Variants in CYFIP1 observed in about 807,000 individuals in gnomAD.
The protein encoded by CYFIP1 is cytoplasmic FMR1 interacting protein 1.
A neutral mutation model predicts 163.5 loss-of-function variants in CYFIP1; 58 were observed. That is an observed-to-expected ratio of 0.35 (90% CI 0.29 to 0.44). The LOEUF (loss-of-function observed/expected upper bound fraction) is 0.44. CYFIP1 is among the 20% of genes least tolerant of loss of function. The pLI is 1.00. For missense variants in CYFIP1, 1,338 were observed against 1,653.8 expected (o/e 0.81, Z 3.31); for synonymous variants, 663 against 660.7 (o/e 1.00, Z -0.05).
chr15:22,947,921 A>G, intron 1 of CYFIP1: 1 of 985,068 alleles, frequency 1.0e-6, no homozygotes, highest in Non-Finnish European at 1.2e-6. Flanking sequence ...CTTCAGAGCC[A>G]GCTCCAGGGA....
rs146068501 is a variant in CYFIP1, at chr15:22,962,632, G to A, written c.-6-15341C>T. ...TTGGTCAAGCTGGTCTCGAACTCCC[G>A]ACCTCAGGTGATCCACCAGCCTCGG... On this transcript the variant is annotated intron_variant, in intron 1 of 30. Transcript: ENST00000617928. 9.3e-4 allele frequency among the ~76,000 whole-genome samples: 141 copies of A among 151,444 alleles called. 1 individual carries two copies. Among genetic ancestry groups the A allele is most frequent in the East Asian group, 2.7e-3 (14 of 5,154 alleles).
rs397976366 is a variant in CYFIP1 at position 22,978,352 on chromosome 15, C to CAAAAAAAAAA, written c.-7+1925_-7+1934dup. On this transcript the variant is annotated intron_variant, in intron 1 of 30. Transcript: ENST00000617928. The stretch of plus-strand genomic sequence containing the variant: ...GGGCCACAGAGTTAAGACTCTGTCA[C>CAAAAAAAAAA]AAAAAAAAAAAAAAAAAAAAAAAAA... Among the ~76,000 whole-genome samples the CAAAAAAAAAA allele has an allele frequency of 8.7e-4, 46 of 52,768 alleles. 4 individuals are homozygous for CAAAAAAAAAA. The highest frequency in any genetic ancestry group is 2.4e-3 in the African/African-American group (37 of 15,194). The allele number at this position is 52,768 out of a possible 152,430, so 34.6% of individuals were successfully genotyped here. A position where few individuals can be genotyped will look rare whatever the true frequency, so the allele number is the denominator to read the frequency against.
chr15:22,952,619 C>T (rs1264395184), intron 1 of CYFIP1, among the ~76,000 whole-genome samples: 3 of 131,570 alleles, frequency 2.3e-5, no homozygotes, highest in Non-Finnish European at 4.6e-5. Flanking sequence ...CGCACCACTG[C>T]ACTCCAACCC....
chr15:22,918,304 G>A (rs56720890), intron 14 of CYFIP1, among the ~76,000 whole-genome samples: 1 of 152,100 alleles, frequency 6.6e-6, no homozygotes, highest in Admixed American at 6.5e-5. Context: ...GTAACCAACA[G>A]GAATGTGAAG....
At chr15:22,944,163 T>C (rs146853222) in intron 5 of CYFIP1, among the ~76,000 whole-genome samples, 1,906 of 142,064 alleles carry the variant, frequency 0.013, 46 homozygotes, top group African/African-American at 0.048. Flanking sequence ...CGCTTGAACC[T>C]GGGAGGCAGA....
intron 8 of CYFIP1, among the ~76,000 whole-genome samples, chr15:22,937,599 TTTTTG>T (rs2061753714): frequency 6.6e-6 from 1 of 150,430 alleles, no homozygotes; most frequent in Non-Finnish European, 1.5e-5. Flanking sequence ...AAAAATTCTT[TTTTTG>T]TTTTTTTTTT....
intron 9 of CYFIP1, among the ~76,000 whole-genome samples, chr15:22,935,731 A>G (rs2096723380): frequency 6.6e-6 from 1 of 152,178 alleles, no homozygotes; most frequent in African/African-American, 2.4e-5. Flanking sequence ...ATGGTTAATA[A>G]CAATGCATTG....
In CYFIP1 at chr15:22,880,692, G is replaced by C. The variant is rs990801189; in HGVS notation, c.2912-649C>G. Among the ~76,000 whole-genome samples, 20 of 152,318 alleles carry C rather than the reference G, an allele frequency of 1.3e-4. No homozygotes were observed. In the East Asian group the frequency reaches 3.9e-3, roughly 29 times the overall value. ...TCAGGAGGGGCCTAAACTACCCTGG[G>C]AAGAGCAAAGCGGGAGGCTCAGCAG... is the stretch of plus-strand genomic sequence containing the variant. On this transcript the variant is annotated intron_variant, in intron 25 of 30. Transcript: ENST00000617928.
In CYFIP1 at chr15:22,917,283, A is replaced by G; in HGVS notation, c.1674+505T>C. 7.3e-7 allele frequency: 1 copy of G among 1,374,300 alleles called. No homozygotes were observed. Among genetic ancestry groups the G allele is most frequent in the Non-Finnish European group, 9.3e-7 (1 of 1,069,950 alleles). 85.1% of individuals were successfully genotyped at this position (1,374,300 alleles called of 1,614,324 possible). ...AGGGAGAAGACCAGCCCCAGGACGGAGGACAGACGCAGCGGTGTGGATTAA... is the reference window on the plus strand; with the variant it reads ...AGGGAGAAGACCAGCCCCAGGACGGGGGACAGACGCAGCGGTGTGGATTAA... On this transcript the variant is annotated intron_variant, in intron 15 of 30. Coordinates refer to ENST00000617928, the MANE Select transcript of CYFIP1 (RefSeq NM_014608.6). This position sits in a 1 kb window ranked among gnomAD's most constrained non-coding sequence, Gnocchi z 4.2.
intron 17 of CYFIP1, among the ~76,000 whole-genome samples, chr15:22,912,944 C>T (rs916909929): frequency 1.6e-4 from 24 of 148,018 alleles, no homozygotes; most frequent in African/African-American, 4.9e-4. Context: ...AGAATGAACT[C>T]CAGCACTTTA....
chr15:22,912,164 C>T lies in CYFIP1; in HGVS notation c.2082+15G>A, dbSNP rs933123580. ...TTGAAGGAAATGAACAGAAATGGAG[C>T]TGCAGGGGCCTCACCTCGGCCTCAA... is the stretch of plus-strand genomic sequence containing the variant. On this transcript the variant is annotated intron_variant, in intron 18 of 30. Transcript: ENST00000617928. The T allele has an allele frequency of 1.2e-6, 2 of 1,600,662 alleles. No homozygotes were observed. Among genetic ancestry groups the T allele is most frequent in the Non-Finnish European group, 1.7e-6 (2 of 1,170,174 alleles).
chr15:22,904,298 G>A (rs1353138575), intron 21 of CYFIP1: 1 of 278,262 alleles, frequency 3.6e-6, no homozygotes, highest in Non-Finnish European at 7.0e-6. Context: ...TTTCTCTGAG[G>A]TGCCTGAAGT....
intron 11 of CYFIP1, among the ~76,000 whole-genome samples, chr15:22,931,460 G>C (rs1241008309): frequency 6.6e-6 from 1 of 151,990 alleles, no homozygotes; most frequent in African/African-American, 2.4e-5. Context: ...GACGTCTTCT[G>C]ACAGCCACCC....
intron 11 of CYFIP1, 96 bp downstream of exon 11, chr15:22,932,127 T>C (rs2061558084): frequency 1.2e-6 from 1 of 804,130 alleles, no homozygotes; most frequent in Non-Finnish European, 2.0e-6. Flanking sequence ...TATCTGGTAG[T>C]AAACTGTTTT....
intron 26 of CYFIP1, among the ~76,000 whole-genome samples, chr15:22,878,674 T>TA (rs199504341): frequency 0.13 from 15,336 of 121,532 alleles, 1,157 homozygotes; most frequent in East Asian, 0.28. Context: ...GATGGTAGAT[T>TA]AAAAAAAAAA....
Position 22,867,377 on chromosome 15 carries a change from C to CT in CYFIP1, c.*2650dup. ...ACTAAGTTACTGAATGAAGGAACCT[C>CT]TTTCTTACAAAACAAAAAAAAGGGC... is the stretch of plus-strand genomic sequence containing the variant. On this transcript the variant is annotated 3_prime_UTR_variant, in exon 31 of 31. Transcript: ENST00000617928. The CT allele has an allele frequency of 5.1e-6, 2 of 391,260 alleles. No homozygotes were observed. Among genetic ancestry groups the CT allele is most frequent in the Non-Finnish European group, 9.0e-6 (2 of 222,168 alleles). 24.2% of individuals were successfully genotyped at this position (391,260 alleles called of 1,614,324 possible).
chr15:22,902,943 G>A (rs2060444881), intron 22 of CYFIP1, among the ~76,000 whole-genome samples: 1 of 152,188 alleles, frequency 6.6e-6, no homozygotes, highest in Non-Finnish European at 1.5e-5. Flanking sequence ...ACAAAACTCT[G>A]GGCCTACAAG....
rs759752097 is a variant in CYFIP1, at chr15:22,927,963, G to A, written c.1176C>T (p.Asp392=). The A allele has an allele frequency of 6.2e-7, 1 of 1,605,652 alleles. No individual in the cohort carries two copies. Among genetic ancestry groups the A allele is most frequent in the South Asian group, 1.1e-5 (1 of 89,946 alleles). The change falls in exon 12 of 31, where the codon GAC becomes GAT. Residue 392 remains aspartate, a synonymous_variant. Coordinates refer to ENST00000617928, the MANE Select transcript of CYFIP1 (RefSeq NM_014608.6). The part of the protein sequence containing the change: ...KTDAEYRKLF[D]LALQGLQLLS... ...ACAGCTGCAGGCCCTGCAGCGCCAG[G>A]TCGAAGAGCTTGCGGTACTCCGCGT...
At chr15:22,948,956 T>C (rs1029084070) in intron 1 of CYFIP1, among the ~76,000 whole-genome samples, 7 of 151,798 alleles carry the variant, frequency 4.6e-5, no homozygotes, top group African/African-American at 1.2e-4. Flanking sequence ...ATCTGTGCCA[T>C]GAGAGTGCAA....
Sources: gnomAD v4.1 joint callset for allele counts (sites outside exome capture counted in the v4.1 genomes callset) on GRCh38, gnomAD v4.1.1 for gene constraint, Gnocchi (gnomAD v3.1) non-coding constraint, MANE v1.5 for transcripts, NCBI Gene and HGNC (gene_info 2026-07-23, HGNC 2026-07-21) for gene names.